The following AMPD1 variants were observed in gnomAD, a reference collection of about 807,000 sequenced individuals.
The protein encoded by AMPD1 is adenosine monophosphate deaminase 1, also known as AMP deaminase 1.
In AMPD1, 74 loss-of-function variants were observed where a neutral mutation model predicts 82.9. That is an observed-to-expected ratio of 0.89 (90% CI 0.74 to 1.08). The LOEUF (loss-of-function observed/expected upper bound fraction) is 1.08. Among genes scored for constraint, AMPD1 ranks in the 50% least tolerant of loss-of-function variants. AMPD1 has a pLI of 0.00. For missense variants in AMPD1, 881 were observed against 924.5 expected (o/e 0.95, Z 0.61); for synonymous variants, 333 against 320.5 (o/e 1.04, Z -0.42).
intron 2 of AMPD1, among the ~76,000 whole-genome samples, chr1:114,689,777 A>C (rs1277336847): frequency 1.3e-5 from 2 of 152,204 alleles, no homozygotes; most frequent in Non-Finnish European, 2.9e-5. Context: ...AGACTGCACC[A>C]CTGCCCTCCA....
chr1:114,693,557 G>T (rs541690953), intron 1 of AMPD1, 110 bp from the exon 2 acceptor site: 25 of 967,036 alleles, frequency 2.6e-5, no homozygotes, highest in Admixed American at 1.2e-4. Flanking sequence ...TGTTATTTCA[G>T]CTCAGCCTTC....
rs1379376631 is a variant in AMPD1, at chr1:114,678,548, AG to A, written c.898-22del. 3 of 1,603,464 alleles carry A rather than the reference AG, an allele frequency of 1.9e-6. No homozygotes were observed. In the South Asian group the frequency reaches 3.3e-5, roughly 18 times the overall value. On this transcript the variant is annotated intron_variant, in intron 7 of 15. Coordinates refer to ENST00000520113, the MANE Select transcript of AMPD1 (RefSeq NM_000036.3). Reference sequence around the variant, plus strand: ...TCCACCTGTATGTATATTCAAAGAAAGAAAAAAACATCAATCAGCCTTAGTT... The same window carrying A: ...TCCACCTGTATGTATATTCAAAGAAAAAAAAAACATCAATCAGCCTTAGTT...
chr1:114,678,212 C>T, intron 8 of AMPD1, 121 bp downstream of exon 8: 4 of 1,470,806 alleles, frequency 2.7e-6, no homozygotes, highest in East Asian at 2.3e-5. Context: ...GTCTGTGGTG[C>T]TTTCAGGCAG....
chr1:114,687,652 G>A, intron 3 of AMPD1, among the ~76,000 whole-genome samples: 1 of 152,174 alleles, frequency 6.6e-6, no homozygotes, highest in South Asian at 2.1e-4. Context: ...CTAAAGTGTG[G>A]CTGGTAGTGA....
At chr1:114,679,944 T>C (rs1658108673) in intron 6 of AMPD1, among the ~76,000 whole-genome samples, 1 of 152,204 alleles carries the variant, frequency 6.6e-6, no homozygotes, top group South Asian at 2.1e-4. Flanking sequence ...TAAAACTCAA[T>C]GGAGAGAGTG....
intron 6 of AMPD1, among the ~76,000 whole-genome samples, 155 bp from the exon 7 acceptor site, chr1:114,679,863 G>C (rs1658105549): frequency 1.3e-5 from 2 of 152,170 alleles, no homozygotes; most frequent in Admixed American, 1.3e-4. Context: ...CTGAGAAGTA[G>C]TGGGCTCCAA....
chr1:114,681,813 A>C (rs1428559988), intron 5 of AMPD1, among the ~76,000 whole-genome samples: 1 of 152,134 alleles, frequency 6.6e-6, no homozygotes. Flanking sequence ...GTATAATGAC[A>C]TGTATCCACC....
At chr1:114,695,333 C>T in intron 1 of AMPD1, 117 bp downstream of exon 1, 2 of 1,428,900 alleles carry the variant, frequency 1.4e-6, no homozygotes, top group South Asian at 2.5e-5. Context: ...TATGTTAAAG[C>T]TATCACGAAC....
rs758334449 is a variant in AMPD1 at position 114,688,660 on chromosome 1, G to T, written c.116C>A (p.Ser39Tyr). ...ACAGATCTCATCCACATCAAAGGGG[G>T]AAATCTCCTGACGACCTCCTTCATC... ...VKDEGGRQEI[S>Y]PFDVDEICPI... Residue 39 changes from serine (S) to tyrosine (Y), a missense_variant, in exon 3 of 16, where the codon TCC becomes TAC. Transcript: ENST00000520113. 2.4e-5 allele frequency: 39 copies of T among 1,614,082 alleles called. No individual in the cohort carries two copies. The highest frequency in any genetic ancestry group is 8.3e-5 in the Admixed American group (5 of 59,998).
chr1:114,677,847 T>TTCCC, intron 9 of AMPD1, 63 bp downstream of exon 9: 1 of 1,363,524 alleles, frequency 7.3e-7, no homozygotes. Flanking sequence ...CCTTCCTTCC[T>TTCCC]TCCTTCTTCC....
chr1:114,678,355 A>C lies in AMPD1; in HGVS notation c.1070T>G (p.Val357Gly). Reference sequence around the variant, plus strand: ...TACAGCATGAACATCCAGAGAATCAACAGTCAGGTCATAAGGATGCATTTT... The same window carrying C: ...TACAGCATGAACATCCAGAGAATCACCAGTCAGGTCATAAGGATGCATTTT... ...KLKMHPYDLT[V>G]DSLDVHAGRQ... Residue 357 changes from valine (V) to glycine (G), a missense_variant, in exon 8 of 16, where the codon GTT becomes GGT. Val to Gly is a moderately radical substitution (Grantham distance 109). This residue lies in a region of AMPD1 where 783 missense variants were observed against 786.4 expected (regional missense o/e 1.00). Transcript: ENST00000520113. 1 of 1,614,206 alleles carries C rather than the reference A, an allele frequency of 6.2e-7. No homozygotes were observed. Among genetic ancestry groups the C allele is most frequent in the East Asian group, 2.2e-5 (1 of 44,882 alleles).
rs1038496056 is a variant in AMPD1, at chr1:114,694,664, C to T, written c.22+786G>A. 5.9e-5 allele frequency among the ~76,000 whole-genome samples: 9 copies of T among 151,870 alleles called. No individual in the cohort carries two copies. In the East Asian group the frequency reaches 1.6e-3, roughly 26 times the overall value. On this transcript the variant is annotated intron_variant, in intron 1 of 15. Coordinates refer to ENST00000520113, the MANE Select transcript of AMPD1 (RefSeq NM_000036.3). ...TTTAAGATGAGCCTGGGCAACATAG[C>T]GAAACCCTGTCTCTACAGAAAATAC...
chr1:114,678,518 G>A lies in AMPD1; in HGVS notation c.907C>T (p.His303Tyr). The change falls in exon 8 of 16, where the codon CAT becomes TAT. Residue 303 changes from histidine (H) to tyrosine (Y), a missense_variant. His to Tyr is a moderately conservative substitution (Grantham distance 83). Around this residue, in one of 2 missense-constraint regions of AMPD1, gnomAD observed 783 missense variants for 786.4 expected, o/e 1.00. Coordinates refer to ENST00000520113, the MANE Select transcript of AMPD1 (RefSeq NM_000036.3). ...DFYNCRKVDT[H>Y]IHAAACMNQK... ...TTCATGCAAGCGGCTGCATGGATAT[G>A]GGTGTCCACCTGTATGTATATTCAA... 6.2e-6 allele frequency: 10 copies of A among 1,613,714 alleles called. No homozygotes were observed. The highest frequency in any genetic ancestry group is 1.3e-5 in the African/African-American group (1 of 75,034).
chr1:114,684,919 T>G (rs1025221748), intron 4 of AMPD1, among the ~76,000 whole-genome samples: 2 of 152,206 alleles, frequency 1.3e-5, no homozygotes, highest in Non-Finnish European at 2.9e-5. Flanking sequence ...TTAGATGATT[T>G]TAAAGAGAAT....
intron 4 of AMPD1, among the ~76,000 whole-genome samples, chr1:114,685,748 C>T (rs1338800169): frequency 3.3e-5 from 5 of 152,166 alleles, no homozygotes; most frequent in Admixed American, 3.3e-4. Flanking sequence ...TTCTGGAGTT[C>T]TCCAAACTGT....
At chr1:114,674,215 A>G in intron 13 of AMPD1, 133 bp from the exon 14 acceptor site, 2 of 806,316 alleles carry the variant, frequency 2.5e-6, no homozygotes, top group Non-Finnish European at 3.9e-6. Flanking sequence ...GTCTCTTAGT[A>G]AGGAGAATTT....
intron 7 of AMPD1, 99 bp from the exon 8 acceptor site, chr1:114,678,626 A>G: frequency 9.1e-7 from 1 of 1,096,178 alleles, no homozygotes; most frequent in Non-Finnish European, 1.4e-6. Context: ...GCGTTGGGAC[A>G]AAGTGAATAA....
rs1336848536 is a variant in AMPD1, at chr1:114,674,881, A to G, written c.1680-9T>C. 7 of 1,614,044 alleles carry G rather than the reference A, an allele frequency of 4.3e-6. No homozygotes were observed. Among genetic ancestry groups the G allele is most frequent in the Non-Finnish European group, 5.1e-6 (6 of 1,180,002 alleles). On this transcript the variant is annotated splice_polypyrimidine_tract_variant and intron_variant, in intron 12 of 15. Coordinates refer to ENST00000520113, the MANE Select transcript of AMPD1 (RefSeq NM_000036.3). Reference sequence around the variant, plus strand: ...TATTCATGCCTCGTTCCCTGGGGAAATAGAACTGCTATTGGAATCGCAGGT... The same window carrying G: ...TATTCATGCCTCGTTCCCTGGGGAAGTAGAACTGCTATTGGAATCGCAGGT...
At chr1:114,688,462 T>G in intron 3 of AMPD1, 99 bp downstream of exon 3, 1 of 1,386,788 alleles carries the variant, frequency 7.2e-7, no homozygotes, top group Non-Finnish European at 1.0e-6. Context: ...GTTCTTCCTC[T>G]GAGTTGAACC....
Sources: allele counts gnomAD v4.1 joint callset (sites outside exome capture counted in the v4.1 genomes callset), GRCh38; gene constraint gnomAD v4.1.1; regional missense constraint gnomAD v4.1.1; transcripts MANE v1.5; gene names NCBI Gene and HGNC (gene_info 2026-07-23, HGNC 2026-07-21).